The following ADGRD1 variants were observed in gnomAD, a reference collection of about 807,000 sequenced individuals.
ADGRD1 encodes G-protein coupled receptor 133.
Under a neutral mutation model 113.4 loss-of-function variants are expected in ADGRD1, and 77 were observed. That is an observed-to-expected ratio of 0.68 (90% CI 0.57 to 0.82). ADGRD1 has a LOEUF of 0.82. Ranked by LOEUF, ADGRD1 falls within the 40% of genes least tolerant of loss-of-function variation. The probability of loss-of-function intolerance (pLI) is 0.00; values close to 1 mark genes in which losing one functional copy is unlikely to be tolerated. For synonymous variants in ADGRD1, 474 were observed against 475.0 expected (o/e 1.00, Z 0.03); for missense variants, 1,036 against 1,139.1 (o/e 0.91, Z 1.30).
chr12:130,979,929 A>G (rs932822097), intron 4 of ADGRD1, among the ~76,000 whole-genome samples: 2 of 152,130 alleles, frequency 1.3e-5, no homozygotes, highest in African/African-American at 4.8e-5. Context: ...TGGAATAGAG[A>G]CAACCAGAGC....
intron 20 of ADGRD1, among the ~76,000 whole-genome samples, chr12:131,126,813 C>T (rs1475292775): frequency 6.6e-6 from 1 of 152,190 alleles, no homozygotes; most frequent in Non-Finnish European, 1.5e-5. Flanking sequence ...ATCCATGGTA[C>T]TCACACTGTA....
rs771771921 is a variant in ADGRD1 at position 131,076,818 on chromosome 12, T to C, written c.1491T>C (p.Ser497=). The C allele has an allele frequency of 3.1e-6, 5 of 1,614,030 alleles. No homozygotes were observed. The East Asian group carries it at 8.9e-5, about 29-fold the overall frequency. The change falls in exon 14 of 25, where the codon AGT becomes AGC. Residue 497 remains serine, a synonymous_variant. Coordinates refer to ENST00000261654, the MANE Select transcript of ADGRD1 (RefSeq NM_198827.5). ...LKHRLTRKQH[S]EATNSSNRVF... ...CATTTCAGACACGTAAGCAGCACAGTGAGGCCACCAACAGCAGCAACCGAG... is the reference window on the plus strand; with the variant it reads ...CATTTCAGACACGTAAGCAGCACAGCGAGGCCACCAACAGCAGCAACCGAG...
At chr12:131,071,535 A>C (rs1885170752) in intron 13 of ADGRD1, among the ~76,000 whole-genome samples, 1 of 152,118 alleles carries the variant, frequency 6.6e-6, no homozygotes, top group African/African-American at 2.4e-5. Flanking sequence ...TTGTCTCTGG[A>C]GATTCTTCCT....
chr12:131,074,731 A>G (rs1266834344), intron 13 of ADGRD1, among the ~76,000 whole-genome samples: 2 of 152,140 alleles, frequency 1.3e-5, no homozygotes, highest in Admixed American at 6.5e-5. Flanking sequence ...TGAAGAGTCA[A>G]TTTGCTTTTC....
At chr12:131,036,612 C>A (rs1220147601) in intron 13 of ADGRD1, among the ~76,000 whole-genome samples, 1 of 147,768 alleles carries the variant, frequency 6.8e-6, no homozygotes, top group Non-Finnish European at 1.5e-5. Flanking sequence ...CACCGGGCCT[C>A]ACTCACCGCA....
chr12:131,033,075 C>T (rs989452552), intron 13 of ADGRD1, among the ~76,000 whole-genome samples: 14 of 152,254 alleles, frequency 9.2e-5, no homozygotes, highest in Admixed American at 9.2e-4. Flanking sequence ...GCGCGACGAG[C>T]CCCGCCCTGC....
At chr12:131,021,303 C>T (rs942609639) in intron 13 of ADGRD1, among the ~76,000 whole-genome samples, 4 of 152,020 alleles carry the variant, frequency 2.6e-5, no homozygotes, top group South Asian at 2.1e-4. Flanking sequence ...TGGCACAGAG[C>T]GCTTAGTTGT....
intron 12 of ADGRD1, among the ~76,000 whole-genome samples, chr12:131,008,429 T>C (rs1018945376): frequency 2.0e-5 from 3 of 152,326 alleles, no homozygotes; most frequent in African/African-American, 7.2e-5. Context: ...TTTGGTGCCG[T>C]AGTGTCCTTT....
intron 14 of ADGRD1, among the ~76,000 whole-genome samples, chr12:131,083,301 T>A (rs1256805180): frequency 1.3e-5 from 2 of 152,142 alleles, no homozygotes; most frequent in African/African-American, 4.8e-5. Context: ...TTTTTTTTTT[T>A]TAATTTGAAA....
intron 13 of ADGRD1, chr12:131,070,449 C>T (rs1220178827): frequency 6.6e-5 from 11 of 166,404 alleles, no homozygotes; most frequent in Non-Finnish European, 1.1e-4. Flanking sequence ...GTCTCGTGAC[C>T]GCAGCTCAGG....
chr12:131,056,541 T>C (rs1313471563), intron 13 of ADGRD1, among the ~76,000 whole-genome samples: 4 of 152,258 alleles, frequency 2.6e-5, no homozygotes, highest in Non-Finnish European at 5.9e-5. Context: ...CCTCTGATAC[T>C]GTGCTATATC....
At chr12:130,981,806 A>C in intron 4 of ADGRD1, 78 bp from the exon 5 acceptor site, 1 of 951,870 alleles carries the variant, frequency 1.1e-6, no homozygotes, top group African/African-American at 1.6e-5. Context: ...GAAAAATAAA[A>C]AGCAAAGAGA....
intron 2 of ADGRD1, among the ~76,000 whole-genome samples, chr12:130,963,667 C>T (rs1348591793): frequency 1.3e-5 from 2 of 151,502 alleles, no homozygotes; most frequent in African/African-American, 4.9e-5. Flanking sequence ...GTAGATGTGC[C>T]ATATTTATTT....
At chr12:131,038,424 C>A (rs1881770015) in intron 13 of ADGRD1, among the ~76,000 whole-genome samples, 2 of 152,266 alleles carry the variant, frequency 1.3e-5, no homozygotes, top group South Asian at 4.1e-4. Context: ...TTTGGTATCG[C>A]AGAGCCGACA....
Position 130,966,521 on chromosome 12 carries a change from C to A in ADGRD1, c.162C>A (p.Ile54=), listed in dbSNP as rs1435769838. The A allele has an allele frequency of 2.3e-5, 37 of 1,610,016 alleles. No homozygotes were observed. Among genetic ancestry groups the A allele is most frequent in the Non-Finnish European group, 3.1e-5 (37 of 1,176,374 alleles). ...GGCCACTGGAGAATGTGGATGGGATCCATGAACTTCAGGATACAACTGGAG... is the reference window on the plus strand; with the variant it reads ...GGCCACTGGAGAATGTGGATGGGATACATGAACTTCAGGATACAACTGGAG... ...HYWPLENVDG[I]HELQDTTGDI... The change falls in exon 3 of 25, where the codon ATC becomes ATA. Residue 54 remains isoleucine (I), a synonymous_variant. Transcript: ENST00000261654. This position sits in a 1 kb window ranked among gnomAD's most constrained non-coding sequence, Gnocchi z 4.6.
chr12:131,020,665 C>T (rs558688099), intron 13 of ADGRD1, among the ~76,000 whole-genome samples: 3 of 152,344 alleles, frequency 2.0e-5, no homozygotes, highest in Admixed American at 6.5e-5. Flanking sequence ...AGGCTGAACC[C>T]TGGACATTTA....
At chr12:130,981,280 G>A (rs767278627) in intron 4 of ADGRD1, 2 of 152,204 alleles carry the variant, frequency 1.3e-5, no homozygotes, top group African/African-American at 2.4e-5. Flanking sequence ...TGTGGTGCTT[G>A]TTTAGAATGC....
intron 13 of ADGRD1, among the ~76,000 whole-genome samples, chr12:131,071,261 A>G (rs1173417593): frequency 5.3e-5 from 5 of 93,900 alleles, no homozygotes; most frequent in East Asian, 3.2e-4. Flanking sequence ...GGAGCCATGT[A>G]CAAGGAGGTG....
chr12:130,972,049 C>T (rs899409198), intron 4 of ADGRD1, among the ~76,000 whole-genome samples: 15 of 152,202 alleles, frequency 9.9e-5, no homozygotes, highest in African/African-American at 3.4e-4. Flanking sequence ...TGGGCAGTGG[C>T]TCGAACTGTC....
Sources: allele counts gnomAD v4.1 joint callset (sites outside exome capture counted in the v4.1 genomes callset), GRCh38; gene constraint gnomAD v4.1.1; non-coding constraint Gnocchi (gnomAD v3.1); transcripts MANE v1.5; gene names NCBI Gene and HGNC (gene_info 2026-07-23, HGNC 2026-07-21).